SI: variants seen among roughly 807,000 people sequenced by gnomAD.
The protein encoded by SI is sucrase-isomaltase, intestinal.
Under a neutral mutation model 253.3 loss-of-function variants are expected in SI, and 235 were observed. The ratio of observed to expected loss-of-function variants is 0.93; its 90% confidence interval spans 0.83 to 1.03. SI has a LOEUF of 1.03. Among genes scored for constraint, SI ranks in the 50% least tolerant of loss-of-function variants. The probability of loss-of-function intolerance (pLI) is 0.00; values close to 1 mark genes in which losing one functional copy is unlikely to be tolerated. For synonymous variants in SI, 819 were observed against 712.0 expected (o/e 1.15, Z -2.39); for missense variants, 2,442 against 2,211.1 (o/e 1.10, Z -2.09).
Position 165,069,201 on chromosome 3 carries a change from A to T in SI, c.256-6T>A. ...CCTCTCTGTGCACAAATTCCCTGAT[A>T]AAATATTTTTAAAGGAATTATATAA... On this transcript the variant is annotated splice_region_variant and splice_polypyrimidine_tract_variant and intron_variant, in intron 3 of 47. Coordinates refer to ENST00000264382, the MANE Select transcript of SI (RefSeq NM_001041.4). 6.4e-7 allele frequency: 1 copy of T among 1,574,504 alleles called. No individual in the cohort carries two copies. Among genetic ancestry groups the T allele is most frequent in the Non-Finnish European group, 8.7e-7 (1 of 1,144,352 alleles).
intron 44 of SI, among the ~76,000 whole-genome samples, chr3:164,990,982 GAT>G (rs1229468245): frequency 5.3e-5 from 8 of 150,338 alleles, no homozygotes; most frequent in Admixed American, 5.3e-4. Context: ...ATATAAAAAA[GAT>G]AATATTTTTT....
At chr3:165,090,146 AT>A in the SI span, among the ~76,000 whole-genome samples, 7 of 93,942 alleles carry the variant, frequency 7.5e-5, no homozygotes, top group Non-Finnish European at 1.3e-4. Flanking sequence ...TACTGCATTT[AT>A]TTAAAAAAAA....
chr3:165,085,276 T>A, the SI span, among the ~76,000 whole-genome samples: 1 of 152,158 alleles, frequency 6.6e-6, no homozygotes, highest in Non-Finnish European at 1.5e-5. Context: ...TTACTAAAAG[T>A]ACATTTGAAA....
intron 43 of SI, among the ~76,000 whole-genome samples, chr3:164,991,777 G>A (rs578051056): frequency 3.6e-4 from 55 of 151,974 alleles, no homozygotes; most frequent in Admixed American, 1.3e-3. Flanking sequence ...CATTTATAGC[G>A]TTGTTTTTGT....
intron 44 of SI, 31 bp downstream of exon 44, chr3:164,991,322 T>G (rs1717725126): frequency 6.2e-7 from 1 of 1,613,080 alleles, no homozygotes. Flanking sequence ...ATCTCAAAAT[T>G]TAACCTGAGC....
chr3:165,076,274 CAGT>C (rs949990834), intron 1 of SI, among the ~76,000 whole-genome samples: 1 of 151,606 alleles, frequency 6.6e-6, no homozygotes, highest in Non-Finnish European at 1.5e-5. Flanking sequence ...ATGCACATTA[CAGT>C]AGTAGTAGTA....
chr3:165,079,452 T>C (rs545853167), upstream of SI, among the ~76,000 whole-genome samples: 2 of 151,462 alleles, frequency 1.3e-5, no homozygotes, highest in African/African-American at 4.8e-5. Flanking sequence ...TAAATATGAG[T>C]CTAAAAAGAA....
chr3:165,060,074 T>A lies in SI; in HGVS notation c.1021-47A>T, dbSNP rs566772923. On this transcript the variant is annotated intron_variant, in intron 9 of 47. Transcript: ENST00000264382. ...ATTAGTTTGAATAGAAATAAATATA[T>A]TTAGCATTAATAACCAAGGTTAATG... The A allele has an allele frequency of 1.4e-4, 212 of 1,547,590 alleles. 5 individuals are homozygous for A. In the South Asian group the frequency reaches 2.3e-3, roughly 17 times the overall value.
At chr3:165,049,710 G>A in intron 14 of SI, 81 bp downstream of exon 14, 1 of 812,370 alleles carries the variant, frequency 1.2e-6, no homozygotes, top group African/African-American at 1.7e-5. Flanking sequence ...TTGTAATTTA[G>A]AAATATATGT....
At chr3:165,010,046 T>G (rs1173112503) in intron 34 of SI, among the ~76,000 whole-genome samples, 1 of 152,226 alleles carries the variant, frequency 6.6e-6, no homozygotes, top group Non-Finnish European at 1.5e-5. Context: ...TTTTGGCACA[T>G]GTTAAGATTC....
chr3:164,989,242 G>C (rs943837692), intron 44 of SI, among the ~76,000 whole-genome samples: 2 of 151,464 alleles, frequency 1.3e-5, no homozygotes, highest in South Asian at 4.2e-4. Context: ...ATACTTGGGA[G>C]GCTGTGGCAG....
chr3:164,991,606 C>T (rs1006617406), intron 43 of SI, 129 bp from the exon 44 acceptor site: 1 of 984,334 alleles, frequency 1.0e-6, no homozygotes, highest in Non-Finnish European at 1.6e-6. Flanking sequence ...CACATTTATT[C>T]AGAAAATCTT....
At chr3:164,985,902 A>G (rs1409453534) in intron 45 of SI, among the ~76,000 whole-genome samples, 1 of 152,148 alleles carries the variant, frequency 6.6e-6, no homozygotes, top group Non-Finnish European at 1.5e-5. Context: ...TGTTTCTGAT[A>G]ACAACGGTTA....
In SI at chr3:165,059,156, A is replaced by G; in HGVS notation, c.1278+12T>C. On this transcript the variant is annotated intron_variant, in intron 11 of 47. Coordinates refer to ENST00000264382, the MANE Select transcript of SI (RefSeq NM_001041.4). ...AACACTAAAAATGTATTAAGGTATA[A>G]TTGATTATTACCAAGATGATGACAT... 1.9e-6 allele frequency: 3 copies of G among 1,612,216 alleles called. No homozygotes were observed. Among genetic ancestry groups the G allele is most frequent in the South Asian group, 1.1e-5 (1 of 91,024 alleles).
At chr3:165,001,701 C>T (rs34023921) in intron 37 of SI, among the ~76,000 whole-genome samples, 25 of 151,340 alleles carry the variant, frequency 1.7e-4, no homozygotes, top group East Asian at 5.8e-4. Context: ...GGTCTTGAGA[C>T]GAACAGCTGA....
intron 13 of SI, among the ~76,000 whole-genome samples, chr3:165,054,847 T>A (rs1273702211): frequency 6.6e-6 from 1 of 152,178 alleles, no homozygotes; most frequent in Admixed American, 6.6e-5. Flanking sequence ...CTTTAATAAA[T>A]GTTTTGCTAA....
intron 3 of SI, 24 bp from the exon 4 acceptor site, chr3:165,069,219 T>G: frequency 7.1e-7 from 1 of 1,412,800 alleles, no homozygotes; most frequent in Non-Finnish European, 1.0e-6. Context: ...TTTAAAGGAA[T>G]TATATAATTA....
In SI at chr3:165,046,849, T is replaced by C; in HGVS notation, c.1879A>G (p.Ile627Val). The C allele has an allele frequency of 6.2e-7, 1 of 1,612,546 alleles. No homozygotes were observed. Among genetic ancestry groups the C allele is most frequent in the Non-Finnish European group, 8.5e-7 (1 of 1,178,912 alleles). The change falls in exon 16 of 48, where the codon ATA becomes GTA. Residue 627 changes from isoleucine to valine, a missense_variant. Ile to Val is a conservative substitution (Grantham distance 29). Coordinates refer to ENST00000264382, the MANE Select transcript of SI (RefSeq NM_001041.4). ...TGMLEFSLFG[I>V]PLVGADICGF... ...CTATGAAACTGTCTTACCAAAGGTA[T>C]TCCAAACAAACTGAACTCCAGCATT... is the stretch of plus-strand genomic sequence containing the variant.
chr3:165,038,893 A>G (rs1177893231), intron 20 of SI, among the ~76,000 whole-genome samples, 185 bp downstream of exon 20: 2 of 152,084 alleles, frequency 1.3e-5, no homozygotes, highest in South Asian at 4.1e-4. Context: ...CATGTGCAAC[A>G]AAGGGTATAC....
Sources: allele counts gnomAD v4.1 joint callset (sites outside exome capture counted in the v4.1 genomes callset), GRCh38; gene constraint gnomAD v4.1.1; transcripts MANE v1.5; gene names NCBI Gene and HGNC (gene_info 2026-07-23, HGNC 2026-07-21).